The following L3MBTL4 variants were observed in gnomAD, a reference collection of about 807,000 sequenced individuals.
The protein encoded by L3MBTL4 is lethal(3)malignant brain tumor-like protein 4.
Under a neutral mutation model 84.5 loss-of-function variants are expected in L3MBTL4, and 70 were observed. The ratio of observed to expected loss-of-function variants is 0.83; its 90% CI spans 0.68 to 1.01. The LOEUF (loss-of-function observed/expected upper bound fraction) is 1.01. Among genes scored for constraint, L3MBTL4 ranks in the 50% least tolerant of loss-of-function variants. The pLI is 0.00. For missense variants in L3MBTL4, 715 were observed against 754.8 expected (o/e 0.95, Z 0.62); for synonymous variants, 274 against 259.8 (o/e 1.05, Z -0.52).
intron 10 of L3MBTL4, among the ~76,000 whole-genome samples, chr18:6,232,500 G>T (rs1436235670): frequency 1.3e-5 from 2 of 152,038 alleles, no homozygotes; most frequent in Non-Finnish European, 2.9e-5. Context: ...CACTAGTCAA[G>T]CCTAGGGCTT....
intron 1 of L3MBTL4, among the ~76,000 whole-genome samples, chr18:6,333,282 A>G (rs1766500331): frequency 6.6e-6 from 1 of 152,226 alleles, no homozygotes; most frequent in African/African-American, 2.4e-5. Flanking sequence ...AAAGAAAACA[A>G]CATCTAATTG....
intron 16 of L3MBTL4, among the ~76,000 whole-genome samples, chr18:6,001,064 G>T (rs1054860904): frequency 2.0e-5 from 3 of 152,210 alleles, no homozygotes; most frequent in Admixed American, 2.0e-4. Context: ...CAGCCCTGTG[G>T]CAGGCAGCTG....
chr18:6,381,527 G>A (rs2054594907), intron 1 of L3MBTL4, among the ~76,000 whole-genome samples: 1 of 152,214 alleles, frequency 6.6e-6, no homozygotes, highest in South Asian at 2.1e-4. Flanking sequence ...GGCAGGCCTG[G>A]TGGTGACAAA....
At chr18:6,193,643 C>T (rs757923983) in intron 12 of L3MBTL4, among the ~76,000 whole-genome samples, 9 of 152,114 alleles carry the variant, frequency 5.9e-5, no homozygotes, top group Admixed American at 3.9e-4. Context: ...GACATCACTG[C>T]GGATAAAGGG....
At chr18:6,188,911 C>T (rs1003355017) in intron 12 of L3MBTL4, among the ~76,000 whole-genome samples, 2 of 152,216 alleles carry the variant, frequency 1.3e-5, no homozygotes, top group East Asian at 1.9e-4. Flanking sequence ...AAAACTGCAA[C>T]CTGCTTCATT....
chr18:6,109,077 AG>A (rs1183933960), intron 14 of L3MBTL4, among the ~76,000 whole-genome samples: 2 of 152,106 alleles, frequency 1.3e-5, no homozygotes, highest in Non-Finnish European at 2.9e-5. Flanking sequence ...GTACTTTTAG[AG>A]GGAGTTTAAG....
At chr18:6,240,831 C>T (rs541438501) in intron 8 of L3MBTL4, among the ~76,000 whole-genome samples, 16 of 152,238 alleles carry the variant, frequency 1.1e-4, no homozygotes, top group African/African-American at 2.2e-4. Context: ...GTGGCAGAGC[C>T]GACTTCTGGA....
chr18:5,967,451 A>G (rs1210060736), intron 17 of L3MBTL4, among the ~76,000 whole-genome samples: 4 of 152,362 alleles, frequency 2.6e-5, no homozygotes, highest in Non-Finnish European at 1.5e-5. Context: ...ACTCACTTCC[A>G]TGCAGCCACC....
chr18:5,991,277 G>A (rs574394260), intron 16 of L3MBTL4, among the ~76,000 whole-genome samples: 5 of 152,228 alleles, frequency 3.3e-5, no homozygotes, highest in South Asian at 4.2e-4. Context: ...TACTTAGTAT[G>A]TGCAAGTTTG....
chr18:6,334,445 A>G (rs1170251468), intron 1 of L3MBTL4, among the ~76,000 whole-genome samples: 1 of 152,208 alleles, frequency 6.6e-6, no homozygotes, highest in East Asian at 1.9e-4. Flanking sequence ...GGAAGGTGAC[A>G]AAGTTTTTTT....
At chr18:6,094,790 A>C (rs1250077444) in intron 14 of L3MBTL4, among the ~76,000 whole-genome samples, 1 of 152,128 alleles carries the variant, frequency 6.6e-6, no homozygotes, top group African/African-American at 2.4e-5. Flanking sequence ...TTCTAACCCC[A>C]AAAGGACTTT....
chr18:6,122,228 T>C (rs1215038025), intron 14 of L3MBTL4, among the ~76,000 whole-genome samples: 1 of 152,234 alleles, frequency 6.6e-6, no homozygotes, highest in African/African-American at 2.4e-5. Context: ...TATTATTAAC[T>C]TGTACAATAG....
intron 16 of L3MBTL4, among the ~76,000 whole-genome samples, chr18:6,058,902 C>T (rs1429999437): frequency 6.6e-6 from 1 of 152,156 alleles, no homozygotes. Context: ...ATCTTAGAAG[C>T]CAGTTTTGGC....
chr18:6,206,917 A>T (rs554046281), intron 12 of L3MBTL4, among the ~76,000 whole-genome samples: 27 of 152,298 alleles, frequency 1.8e-4, no homozygotes, highest in Non-Finnish European at 3.1e-4. Context: ...AGGATACAAA[A>T]CTATTTATAC....
At chr18:6,192,874 T>G (rs555357896) in intron 12 of L3MBTL4, among the ~76,000 whole-genome samples, 24 of 152,116 alleles carry the variant, frequency 1.6e-4, no homozygotes, top group Middle Eastern at 6.8e-3. Flanking sequence ...GCTAAAGGTT[T>G]ATGCAATGAT....
At chr18:6,350,826 ATG>A (rs2053147769) in intron 1 of L3MBTL4, among the ~76,000 whole-genome samples, 1 of 152,238 alleles carries the variant, frequency 6.6e-6, no homozygotes, top group Non-Finnish European at 1.5e-5. Context: ...AACAACCTAC[ATG>A]TCCATTATGG....
intron 12 of L3MBTL4, among the ~76,000 whole-genome samples, chr18:6,179,406 C>A (rs898518572): frequency 5.3e-5 from 8 of 152,156 alleles, no homozygotes; most frequent in African/African-American, 1.9e-4. Context: ...TTTCCTGATA[C>A]CTATTGCTCA....
intron 12 of L3MBTL4, among the ~76,000 whole-genome samples, chr18:6,205,563 T>C (rs1275780057): frequency 6.6e-6 from 1 of 152,196 alleles, no homozygotes; most frequent in Non-Finnish European, 1.5e-5. Context: ...AATAGGAAAG[T>C]AAAACAACTA....
At chr18:6,189,582 C>G (rs558367230) in intron 12 of L3MBTL4, among the ~76,000 whole-genome samples, 2 of 152,038 alleles carry the variant, frequency 1.3e-5, no homozygotes, top group East Asian at 3.9e-4. Flanking sequence ...CACAGATGAT[C>G]CAGATGTTAA....
Sources: gnomAD v4.1 joint callset for allele counts (sites outside exome capture counted in the v4.1 genomes callset) on GRCh38, gnomAD v4.1.1 for gene constraint, MANE v1.5 for transcripts, NCBI Gene and HGNC (gene_info 2026-07-23, HGNC 2026-07-21) for gene names.